Variants in ADAM10 observed in about 807,000 individuals in gnomAD.
ADAM10 encodes the protein ADAM metallopeptidase domain 10, also known as disintegrin and metalloproteinase domain-containing protein 10.
In ADAM10, 17 loss-of-function variants were observed where a neutral mutation model predicts 90.1. That is an observed-to-expected ratio of 0.19 (90% CI 0.13 to 0.28). The LOEUF (loss-of-function observed/expected upper bound fraction) is 0.28, where lower values mean the gene tolerates loss of function less well. Ranked by LOEUF, ADAM10 falls within the 10% of genes least tolerant of loss-of-function variation. The pLI is 1.00. For missense variants in ADAM10, 610 were observed against 914.3 expected (o/e 0.67, Z 4.29); for synonymous variants, 310 against 298.6 (o/e 1.04, Z -0.40).
chr15:58,625,962 A>C (rs1895929622), intron 10 of ADAM10, among the ~76,000 whole-genome samples: 1 of 151,534 alleles, frequency 6.6e-6, no homozygotes, highest in South Asian at 2.1e-4. Context: ...ACAAAATTTT[A>C]CATATGGAGA....
intron 11 of ADAM10, among the ~76,000 whole-genome samples, 181 bp downstream of exon 11, chr15:58,621,290 A>G (rs1461011808): frequency 2.7e-5 from 4 of 149,574 alleles, no homozygotes; most frequent in South Asian, 2.1e-4. Flanking sequence ...AAAAAAAAAA[A>G]GTAGTTCAAT....
In ADAM10 at chr15:58,593,003, A is replaced by T. The variant is rs1328332314; in HGVS notation, c.*4544T>A. ...TGGGAAATTGGTTAAGAAAAAAAAA[A>T]ACATACATCCACAGAAATATTTAGA... On this transcript the variant is annotated 3_prime_UTR_variant, in exon 16 of 16. Coordinates refer to ENST00000260408, the MANE Select transcript of ADAM10 (RefSeq NM_001110.4). 1 of 150,492 alleles carries T rather than the reference A, an allele frequency of 6.6e-6. No homozygotes were observed. Among genetic ancestry groups the T allele is most frequent in the Non-Finnish European group, 1.5e-5 (1 of 67,662 alleles). The allele number at this position is 150,492 out of a possible 1,614,324, so 9.3% of individuals were successfully genotyped here.
chr15:58,696,632 A>G (rs1468566607), intron 2 of ADAM10, among the ~76,000 whole-genome samples: 1 of 151,930 alleles, frequency 6.6e-6, no homozygotes, highest in African/African-American at 2.4e-5. Flanking sequence ...TGACCAGCTA[A>G]TTTTTGTACT....
chr15:58,625,714 C>T (rs1210108572), intron 10 of ADAM10, among the ~76,000 whole-genome samples: 2 of 152,170 alleles, frequency 1.3e-5, no homozygotes, highest in African/African-American at 4.8e-5. Context: ...TGAATGTTTA[C>T]AGCTGCTTTA....
chr15:58,714,994 C>T (rs1024987416), intron 2 of ADAM10, among the ~76,000 whole-genome samples: 3 of 151,894 alleles, frequency 2.0e-5, no homozygotes, highest in Non-Finnish European at 2.9e-5. Flanking sequence ...AAAATGACCA[C>T]GGTTTAGGGC....
intron 1 of ADAM10, among the ~76,000 whole-genome samples, chr15:58,726,590 A>AG (rs1435749212): frequency 2.0e-5 from 3 of 150,874 alleles, no homozygotes; most frequent in Non-Finnish European, 3.0e-5. Context: ...AAAAAAAAAA[A>AG]AAGTATATTA....
chr15:58,716,714 G>A (rs1253202266), intron 2 of ADAM10, among the ~76,000 whole-genome samples: 1 of 152,206 alleles, frequency 6.6e-6, no homozygotes, highest in African/African-American at 2.4e-5. Context: ...TCTCATAGCA[G>A]TAGAATAGCT....
At position 58,709,921 on chromosome 15, in the gene ADAM10, T is replaced by C. The variant is rs112718935; in HGVS notation, c.206+7656A>G. 3.5e-3 allele frequency among the ~76,000 whole-genome samples: 533 copies of C among 152,204 alleles called. 5 individuals carry two copies. Among genetic ancestry groups the C allele is most frequent in the African/African-American group, 0.012 (512 of 41,540 alleles). On this transcript the variant is annotated intron_variant, in intron 2 of 15. Coordinates refer to ENST00000260408, the MANE Select transcript of ADAM10 (RefSeq NM_001110.4). Reference sequence around the variant, plus strand: ...GAGGGAGAAAGTTGAGTTTATATTTTAAAACAACAACAACAACAAAAACCC... The same window carrying C: ...GAGGGAGAAAGTTGAGTTTATATTTCAAAACAACAACAACAACAAAAACCC...
chr15:58,711,487 T>G (rs1468454441), intron 2 of ADAM10, among the ~76,000 whole-genome samples: 3 of 152,148 alleles, frequency 2.0e-5, no homozygotes, highest in African/African-American at 7.2e-5. Context: ...GAAAGTCAAT[T>G]AGTCTGAATT....
chr15:58,673,875 C>G (rs1433859394), intron 4 of ADAM10, among the ~76,000 whole-genome samples: 2 of 152,042 alleles, frequency 1.3e-5, no homozygotes, highest in Non-Finnish European at 2.9e-5. Context: ...GCTGGGACTA[C>G]AGGCGCCTGC....
At chr15:58,677,229 G>C (rs889691730) in intron 4 of ADAM10, among the ~76,000 whole-genome samples, 1 of 152,126 alleles carries the variant, frequency 6.6e-6, no homozygotes, top group African/African-American at 2.4e-5. Context: ...CTTAAAGATT[G>C]CTGCTTTTAA....
intron 9 of ADAM10, among the ~76,000 whole-genome samples, chr15:58,632,412 A>G (rs935520154): frequency 6.6e-6 from 1 of 152,340 alleles, no homozygotes; most frequent in South Asian, 2.1e-4. Flanking sequence ...AAATCTTCAC[A>G]ATTATTGGCT....
intron 1 of ADAM10, among the ~76,000 whole-genome samples, chr15:58,720,372 T>C (rs1898807306): frequency 1.5e-5 from 1 of 67,814 alleles, no homozygotes; most frequent in Admixed American, 1.6e-4. Context: ...CATGAAACTT[T>C]TATTTTATTT....
rs58659295 is a variant in ADAM10 at position 58,672,786 on chromosome 15, C to CAAAAAAAAAAAAAAAAAAAAAAAAAAA, written c.484+6337_484+6338insTTTTTTTTTTTTTTTTTTTTTTTTTTT. On this transcript the variant is annotated intron_variant, in intron 4 of 15. Transcript: ENST00000260408. ...TGAGCTAAAGGAAGGCCTCATGCAG[C>CAAAAAAAAAAAAAAAAAAAAAAAAAAA]AAAAAAAAAAAAAAAAAAAAAAAAG... is the stretch of plus-strand genomic sequence containing the variant. The CAAAAAAAAAAAAAAAAAAAAAAAAAAA allele has an allele frequency of 3.5e-4, 21 of 60,836 alleles. 1 individual carries two copies. The highest frequency in any genetic ancestry group is 0.013 in the Middle Eastern group (1 of 78). The allele number at this position is 60,836 out of a possible 1,614,324, so 3.8% of individuals were successfully genotyped here. A position where few individuals can be genotyped will look rare whatever the true frequency, so the allele number is the denominator to read the frequency against.
intron 5 of ADAM10, among the ~76,000 whole-genome samples, chr15:58,651,880 T>C (rs1041910131): frequency 4.3e-4 from 65 of 152,214 alleles, no homozygotes; most frequent in African/African-American, 1.4e-3. Flanking sequence ...GTGTGGCGGT[T>C]TCCTTTTCCC....
chr15:58,627,947 T>C, intron 9 of ADAM10, 64 bp from the exon 10 acceptor site: 1 of 1,477,532 alleles, frequency 6.8e-7, no homozygotes, highest in Non-Finnish European at 9.4e-7. Flanking sequence ...GTCAACTGAT[T>C]AAACGTAATG....
At chr15:58,600,225 T>G (rs902465275) in intron 14 of ADAM10, among the ~76,000 whole-genome samples, 1 of 152,208 alleles carries the variant, frequency 6.6e-6, no homozygotes, top group Admixed American at 6.5e-5. Context: ...ACTTATGAAC[T>G]ACAAAAGGAT....
intron 2 of ADAM10, among the ~76,000 whole-genome samples, chr15:58,697,981 G>C (rs866507866): frequency 2.0e-5 from 3 of 152,110 alleles, no homozygotes; most frequent in Middle Eastern, 3.2e-3. Context: ...ATGCCAAAAT[G>C]CCCTACCCAA....
At chr15:58,742,302 T>C (rs1006196414) in intron 1 of ADAM10, among the ~76,000 whole-genome samples, 2 of 152,186 alleles carry the variant, frequency 1.3e-5, no homozygotes, top group South Asian at 4.1e-4. Flanking sequence ...TTATGATGGG[T>C]TGTGACATAA....
Sources: allele counts gnomAD v4.1 joint callset (sites outside exome capture counted in the v4.1 genomes callset), GRCh38; gene constraint gnomAD v4.1.1; transcripts MANE v1.5; gene names NCBI Gene and HGNC (gene_info 2026-07-23, HGNC 2026-07-21).